The following ABCG8 variants were observed in gnomAD, a reference collection of about 807,000 sequenced individuals.
ABCG8 encodes the protein ATP-binding cassette sub-family G member 8.
A neutral mutation model predicts 71.3 loss-of-function variants in ABCG8; 81 were observed. The ratio of observed to expected loss-of-function variants is 1.14; its 90% confidence interval spans 0.95 to 1.37. ABCG8 has a LOEUF of 1.37. Among genes scored for constraint, ABCG8 ranks in the 40% most tolerant of loss-of-function variants. The pLI is 0.00. For synonymous variants in ABCG8, 451 were observed against 354.7 expected (o/e 1.27, Z -3.05); for missense variants, 1,119 against 866.2 (o/e 1.29, Z -3.66).
Position 43,852,671 on chromosome 2 carries a change from C to T in ABCG8, c.767C>T (p.Ser256Phe). The part of the protein sequence containing the change: ...FTAHNLVKTL[S>F]RLAKGNRLVL... ...GCCCACAACCTGGTGAAGACCTTGT[C>T]CAGGCTGGCCAAAGGCAACCGGCTG... Residue 256 changes from serine (S) to phenylalanine (F), a missense_variant, in exon 6 of 13, where the codon TCC becomes TTC. Transcript: ENST00000272286. 1 of 1,614,176 alleles carries T rather than the reference C, an allele frequency of 6.2e-7. No individual in the cohort carries two copies. Among genetic ancestry groups the T allele is most frequent in the East Asian group, 2.2e-5 (1 of 44,882 alleles).
intron 6 of ABCG8, among the ~76,000 whole-genome samples, chr2:43,854,517 C>A (rs1185882770): frequency 6.6e-6 from 1 of 150,636 alleles, no homozygotes; most frequent in Non-Finnish European, 1.5e-5. Context: ...GTACCAGCTA[C>A]TTGGGAGGCT....
At chr2:43,848,990 C>G (rs929451873) in intron 3 of ABCG8, among the ~76,000 whole-genome samples, 1 of 145,704 alleles carries the variant, frequency 6.9e-6, no homozygotes, top group African/African-American at 2.6e-5. Context: ...CCATTGCACT[C>G]CAGCCTGGGC....
rs1670041722 is a variant in ABCG8, at chr2:43,878,771, TTGGCTC to T, written c.*861_*866del. The T allele has an allele frequency of 6.6e-6, 1 of 152,324 alleles. No individual in the cohort carries two copies. The highest frequency in any genetic ancestry group is 1.5e-5 in the Non-Finnish European group (1 of 68,138). 9.4% of individuals were successfully genotyped at this position (152,324 alleles called of 1,614,324 possible). A position where few individuals can be genotyped will look rare whatever the true frequency, so the allele number is the denominator to read the frequency against. On this transcript the variant is annotated 3_prime_UTR_variant, in exon 13 of 13. Transcript: ENST00000272286. Reference sequence around the variant, plus strand: ...GTTGCATTTCACTAACTGATATGGTTTGGCTCTGCGTCCTCACCCAAATCTCACCTT... The same window carrying T: ...GTTGCATTTCACTAACTGATATGGTTTGCGTCCTCACCCAAATCTCACCTT...
intron 9 of ABCG8, 59 bp downstream of exon 9, chr2:43,874,045 C>T (rs535308142): frequency 1.3e-6 from 2 of 1,561,826 alleles, no homozygotes; most frequent in East Asian, 2.3e-5. Context: ...AGCTGTGTTC[C>T]TCTGAGCTCC....
chr2:43,869,697 A>T (rs1042180281), intron 6 of ABCG8, among the ~76,000 whole-genome samples: 1 of 151,978 alleles, frequency 6.6e-6, no homozygotes, highest in African/African-American at 2.4e-5. Flanking sequence ...CTCTCTGGAT[A>T]GAAGTCTCAT....
chr2:43,877,745 T>C, intron 12 of ABCG8, 31 bp from the exon 13 acceptor site: 2 of 1,614,104 alleles, frequency 1.2e-6, no homozygotes, highest in Non-Finnish European at 1.7e-6. Context: ...TCCATCCTCC[T>C]CATGAGCCCA....
In ABCG8 at chr2:43,852,664, A is replaced by G. The variant is rs181936127; in HGVS notation, c.760A>G (p.Thr254Ala). ...CTTCACAGCCCACAACCTGGTGAAGACCTTGTCCAGGCTGGCCAAAGGCAA... is the reference window on the plus strand; with the variant it reads ...CTTCACAGCCCACAACCTGGTGAAGGCCTTGTCCAGGCTGGCCAAAGGCAA... The part of the protein sequence containing the change: ...DSFTAHNLVK[T>A]LSRLAKGNRL... Residue 254 changes from threonine to alanine, a missense_variant, in exon 6 of 13, where the codon ACC becomes GCC. Physicochemically the swap from Thr to Ala is moderately conservative, Grantham distance 58. Transcript: ENST00000272286. 6.2e-7 allele frequency: 1 copy of G among 1,614,100 alleles called. No homozygotes were observed. The highest frequency in any genetic ancestry group is 2.2e-5 in the East Asian group (1 of 44,878).
intron 6 of ABCG8, 125 bp downstream of exon 6, chr2:43,852,993 A>C: frequency 8.4e-7 from 1 of 1,195,532 alleles, no homozygotes; most frequent in Non-Finnish European, 1.2e-6. Flanking sequence ...GAGGAGGAGC[A>C]ATGATGGGGA....
intron 6 of ABCG8, among the ~76,000 whole-genome samples, chr2:43,864,091 TAGAAC>T (rs1669434215): frequency 1.3e-5 from 2 of 151,604 alleles, no homozygotes. Flanking sequence ...ACTCTCTGGG[TAGAAC>T]TCTCACTATC....
intron 3 of ABCG8, chr2:43,848,358 G>A (rs1668810390): frequency 6.6e-6 from 1 of 152,180 alleles, no homozygotes. Context: ...AGGGTGATGT[G>A]ATCAGGTGTT....
chr2:43,875,190 C>G lies in ABCG8; in HGVS notation c.1533C>G (p.Tyr511Ter). 1 of 1,614,234 alleles carries G rather than the reference C, an allele frequency of 6.2e-7. No homozygotes were observed. Among genetic ancestry groups the G allele is most frequent in the East Asian group, 2.2e-5 (1 of 44,886 alleles). ...AGCACTGTGCCTACATCATCATCTA[C>G]GGGATGCCCACCTACTGGCTGGCCA... ...LPEHCAYIII[Y>*]GMPTYWLANL... is the part of the protein sequence containing the mutation. Residue 511 changes from tyrosine to a stop codon, truncating the protein, a stop_gained, in exon 11 of 13, where the codon TAC (tyrosine) becomes TAG (stop). Coordinates refer to ENST00000272286, the MANE Select transcript of ABCG8 (RefSeq NM_022437.3). LOFTEE classifies it high-confidence loss of function.
intron 6 of ABCG8, among the ~76,000 whole-genome samples, chr2:43,868,396 A>G (rs1315292458): frequency 3.3e-5 from 5 of 150,524 alleles, no homozygotes; most frequent in Non-Finnish European, 7.4e-5. Context: ...CTCTCTGGAT[A>G]GAACTCTCAC....
chr2:43,868,798 C>T (rs1024387171), intron 6 of ABCG8, among the ~76,000 whole-genome samples: 1 of 151,950 alleles, frequency 6.6e-6, no homozygotes, highest in Admixed American at 6.6e-5. Flanking sequence ...AATTGTCACC[C>T]TCTGGATAGA....
At chr2:43,842,673 G>C (rs1317277190) in intron 1 of ABCG8, among the ~76,000 whole-genome samples, 1 of 152,042 alleles carries the variant, frequency 6.6e-6, no homozygotes, top group Non-Finnish European at 1.5e-5. Flanking sequence ...ATTACCAAAA[G>C]CTTTGAAGCT....
At chr2:43,841,687 G>A (rs998988925) in intron 1 of ABCG8, among the ~76,000 whole-genome samples, 1 of 152,104 alleles carries the variant, frequency 6.6e-6, no homozygotes, top group Non-Finnish European at 1.5e-5. Context: ...CTTGGAACAA[G>A]CAACCAGGCA....
chr2:43,877,404 T>A (rs1669993014), intron 11 of ABCG8, among the ~76,000 whole-genome samples, 157 bp from the exon 12 acceptor site: 1 of 149,622 alleles, frequency 6.7e-6, no homozygotes, highest in African/African-American at 2.5e-5. Context: ...GGAGACTGAA[T>A]ATATGGGAGA....
At chr2:43,859,657 A>T (rs1404209864) in intron 6 of ABCG8, among the ~76,000 whole-genome samples, 2 of 151,110 alleles carry the variant, frequency 1.3e-5, no homozygotes, top group African/African-American at 4.8e-5. Flanking sequence ...CACCATCCAG[A>T]TAGAACTCTC....
intron 6 of ABCG8, among the ~76,000 whole-genome samples, chr2:43,864,603 ACTAT>A (rs1263558348): frequency 8.6e-5 from 13 of 151,790 alleles, no homozygotes; most frequent in Admixed American, 8.5e-4. Flanking sequence ...TGGAACTCTC[ACTAT>A]CTGTCTAGGT....
At chr2:43,847,279 A>C (rs1668773944) in intron 3 of ABCG8, 1 of 152,204 alleles carries the variant, frequency 6.6e-6, no homozygotes, top group Non-Finnish European at 1.5e-5. Context: ...TCTGGTAGAT[A>C]AGTTCTGTTT....
Sources: allele counts gnomAD v4.1 joint callset (sites outside exome capture counted in the v4.1 genomes callset), GRCh38; gene constraint gnomAD v4.1.1; transcripts MANE v1.5; gene names NCBI Gene and HGNC (gene_info 2026-07-23, HGNC 2026-07-21).